The following EXOC4 variants were observed in gnomAD, a reference collection of about 807,000 sequenced individuals.
EXOC4 encodes the protein exocyst complex component 4.
In EXOC4, 71 loss-of-function variants were observed where a neutral mutation model predicts 107.2. The ratio of observed to expected loss-of-function variants is 0.66; its 90% CI spans 0.55 to 0.81. The LOEUF is 0.81. Among genes scored for constraint, EXOC4 ranks in the 30% least tolerant of loss-of-function variants. The probability of loss-of-function intolerance (pLI) is 0.00; values close to 1 mark genes in which losing one functional copy is unlikely to be tolerated. For synonymous variants in EXOC4, 456 were observed against 441.2 expected (o/e 1.03, Z -0.42); for missense variants, 1,108 against 1,189.6 (o/e 0.93, Z 1.01).
chr7:133,895,780 A>G (rs543242473), intron 12 of EXOC4, 45 bp downstream of exon 12: 1 of 1,585,676 alleles, frequency 6.3e-7, no homozygotes, highest in South Asian at 1.1e-5. Context: ...TTTGAGCCTG[A>G]TGGTGGTTCC....
At chr7:133,621,264 T>G (rs971044499) in intron 9 of EXOC4, among the ~76,000 whole-genome samples, 1 of 152,216 alleles carries the variant, frequency 6.6e-6, no homozygotes, top group African/African-American at 2.4e-5. Context: ...AAAGGTACTT[T>G]TTTTCTCTTG....
chr7:133,640,267 G>C (rs1262514335), intron 10 of EXOC4, among the ~76,000 whole-genome samples: 2 of 152,128 alleles, frequency 1.3e-5, no homozygotes, highest in East Asian at 1.9e-4. Context: ...TTTTGCCTAT[G>C]GTTTAACTTC....
intron 4 of EXOC4, among the ~76,000 whole-genome samples, chr7:133,310,153 T>TCTA (rs1794838000): frequency 6.6e-6 from 1 of 152,220 alleles, no homozygotes; most frequent in African/African-American, 2.4e-5. Flanking sequence ...CTAATCTAGA[T>TCTA]ATGTATATTT....
At chr7:134,045,226 A>G (rs888064227) in intron 17 of EXOC4, among the ~76,000 whole-genome samples, 12 of 152,194 alleles carry the variant, frequency 7.9e-5, no homozygotes, top group African/African-American at 2.9e-4. Flanking sequence ...GTTGTTCCCA[A>G]TTCTAACCTA....
intron 10 of EXOC4, among the ~76,000 whole-genome samples, chr7:133,718,743 A>AAC (rs1050578433): frequency 3.3e-5 from 5 of 152,192 alleles, no homozygotes; most frequent in Non-Finnish European, 5.9e-5. Context: ...ATAGCCATGT[A>AAC]ACACATGGTG....
At chr7:133,357,543 A>G (rs1796048884) in intron 6 of EXOC4, among the ~76,000 whole-genome samples, 1 of 152,218 alleles carries the variant, frequency 6.6e-6, no homozygotes, top group African/African-American at 2.4e-5. Flanking sequence ...TAACTTTGTG[A>G]CTATCATATA....
chr7:133,506,927 A>G (rs918293466), intron 9 of EXOC4, among the ~76,000 whole-genome samples: 6 of 151,914 alleles, frequency 3.9e-5, no homozygotes, highest in African/African-American at 1.4e-4. Context: ...ACTTTTTTTT[A>G]TTACTGATTT....
intron 11 of EXOC4, among the ~76,000 whole-genome samples, chr7:133,858,954 T>C (rs1439035125): frequency 6.6e-6 from 1 of 152,084 alleles, no homozygotes; most frequent in African/African-American, 2.4e-5. Context: ...CCCTGGCAGG[T>C]CTCTTTGTTG....
intron 5 of EXOC4, among the ~76,000 whole-genome samples, chr7:133,355,895 G>T (rs1183181268): frequency 6.6e-6 from 1 of 152,100 alleles, no homozygotes; most frequent in Non-Finnish European, 1.5e-5. Flanking sequence ...CCCCCTGTGT[G>T]TATTCATGAT....
intron 5 of EXOC4, among the ~76,000 whole-genome samples, chr7:133,353,936 T>C (rs897955661): frequency 2.0e-5 from 3 of 152,082 alleles, no homozygotes; most frequent in Non-Finnish European, 4.4e-5. Flanking sequence ...CCAAGTATAC[T>C]TTTCAGCTCA....
chr7:133,357,607 G>A (rs1436573497), intron 6 of EXOC4, among the ~76,000 whole-genome samples: 1 of 152,082 alleles, frequency 6.6e-6, no homozygotes, highest in Non-Finnish European at 1.5e-5. Flanking sequence ...TAGATACGTT[G>A]TTAAGGAAAT....
At chr7:133,831,007 C>T (rs933308901) in intron 11 of EXOC4, among the ~76,000 whole-genome samples, 17 of 152,140 alleles carry the variant, frequency 1.1e-4, no homozygotes, top group African/African-American at 4.1e-4. Flanking sequence ...CTCTATCGCC[C>T]AGGCTGGAGT....
intron 14 of EXOC4, among the ~76,000 whole-genome samples, chr7:133,967,137 T>C (rs979441991): frequency 3.9e-5 from 6 of 152,352 alleles, no homozygotes; most frequent in Non-Finnish European, 8.8e-5. Flanking sequence ...TATTCTTTGA[T>C]GGTAATTTGT....
chr7:133,331,525 C>T (rs1405362133), intron 5 of EXOC4, among the ~76,000 whole-genome samples: 4 of 129,624 alleles, frequency 3.1e-5, no homozygotes, highest in Admixed American at 9.7e-5. Context: ...AGTGCAGTGG[C>T]GCAATCTCGG....
chr7:133,823,893 T>TA (rs1554405881), intron 11 of EXOC4, among the ~76,000 whole-genome samples: 5 of 18,612 alleles, frequency 2.7e-4, no homozygotes, highest in African/African-American at 2.6e-3. Flanking sequence ...TATATATATA[T>TA]TTTATATATA....
intron 10 of EXOC4, among the ~76,000 whole-genome samples, chr7:133,701,478 C>A (rs934224592): frequency 3.3e-5 from 5 of 152,136 alleles, no homozygotes; most frequent in African/African-American, 1.2e-4. Flanking sequence ...GTGATTCCCC[C>A]ATTATCCATG....
At chr7:133,755,957 G>C (rs1795908319) in intron 10 of EXOC4, among the ~76,000 whole-genome samples, 1 of 152,116 alleles carries the variant, frequency 6.6e-6, no homozygotes, top group South Asian at 2.1e-4. Flanking sequence ...TTCTCAGTAA[G>C]ATCATTGGGA....
chr7:133,636,022 A>G (rs1802698598), intron 10 of EXOC4, among the ~76,000 whole-genome samples: 1 of 152,160 alleles, frequency 6.6e-6, no homozygotes, highest in Non-Finnish European at 1.5e-5. Context: ...AGTTTTGTGC[A>G]TTGTATGAGA....
At chr7:133,821,364 G>A (rs963324079) in intron 11 of EXOC4, among the ~76,000 whole-genome samples, 1 of 152,158 alleles carries the variant, frequency 6.6e-6, no homozygotes, top group African/African-American at 2.4e-5. Flanking sequence ...TGCAACCCTG[G>A]AGTCAGTGCT....
Sources: gnomAD v4.1 joint callset for allele counts (sites outside exome capture counted in the v4.1 genomes callset) on GRCh38, gnomAD v4.1.1 for gene constraint, MANE v1.5 for transcripts, NCBI Gene and HGNC (gene_info 2026-07-23, HGNC 2026-07-21) for gene names.